Variants in ANK3 observed in about 807,000 individuals in gnomAD.
ANK3 encodes ankyrin 3.
A neutral mutation model predicts 370.9 loss-of-function variants in ANK3; 57 were observed. The observed-to-expected ratio is 0.15, with a 90% CI of 0.12 to 0.19. ANK3 has a LOEUF of 0.19. ANK3 is among the 10% of genes least tolerant of loss of function. The probability of loss-of-function intolerance (pLI) is 1.00; values close to 1 mark genes in which losing one functional copy is unlikely to be tolerated. For missense variants in ANK3, 4,439 were observed against 5,302.1 expected, an observed-to-expected ratio of 0.84 and a Z score of 5.06; for synonymous variants, 1,929 against 1,946.3, an observed-to-expected ratio of 0.99 and a Z score of 0.23.
chr10:60,353,257 T>C lies in ANK3; in HGVS notation c.114+36168A>G, dbSNP rs184056663. Among the ~76,000 whole-genome samples, 8 of 150,618 alleles carry C rather than the reference T, an allele frequency of 5.3e-5. No individual in the cohort carries two copies. The East Asian group carries it at 1.4e-3, about 26-fold the overall frequency. Reference sequence around the variant, plus strand: ...ATCCACCTGCCTCAGCCTCCCAAAATGCTGGGATTACAGGCATGAGCCACG... The same window carrying C: ...ATCCACCTGCCTCAGCCTCCCAAAACGCTGGGATTACAGGCATGAGCCACG... On this transcript the variant is annotated intron_variant, in intron 1 of 43. Coordinates refer to ENST00000280772, the MANE Select transcript of ANK3 (RefSeq NM_020987.5).
At chr10:60,044,459 A>G (rs72818468) in intron 42 of ANK3, 49,929 of 493,958 alleles carry the variant, frequency 0.1, 2,904 homozygotes, top group Non-Finnish European at 0.12. Flanking sequence ...TGTAAATTCT[A>G]CTTGCTACTC....
intron 28 of ANK3, among the ~76,000 whole-genome samples, chr10:60,089,721 T>G (rs956194644): frequency 1.3e-5 from 2 of 152,002 alleles, no homozygotes; most frequent in African/African-American, 4.8e-5. Flanking sequence ...TATAGAAATA[T>G]AAGAATTATA....
In ANK3 at chr10:60,072,270, A is replaced by G. The variant is rs1360619323; in HGVS notation, c.8611T>C (p.Ser2871Pro). 5 of 1,614,134 alleles carry G rather than the reference A, an allele frequency of 3.1e-6. No individual in the cohort carries two copies. In the South Asian group the frequency reaches 5.5e-5, roughly 18 times the overall value. The change falls in exon 37 of 44, where the codon TCG becomes CCG. Residue 2871 changes from serine to proline, a missense_variant. Around this residue, in one of 13 missense-constraint regions of ANK3, gnomAD observed 1,601 missense variants for 1,731.7 expected, o/e 0.92. Coordinates refer to ENST00000280772, the MANE Select transcript of ANK3 (RefSeq NM_020987.5). ...TNNKSQKEKL[S>P]HVLVHDVREN... The stretch of plus-strand genomic sequence containing the variant: ...CTTACATCATGAACAAGTACATGCG[A>G]AAGTTTTTCTTTCTGAGACTTATTG...
upstream of ANK3, among the ~76,000 whole-genome samples, chr10:60,390,729 A>AACACACACACACACAC (rs572520321): frequency 9.3e-6 from 1 of 107,014 alleles, no homozygotes; most frequent in African/African-American, 3.5e-5. Flanking sequence ...TAAAAAAAAG[A>AACACACACACACACAC]ACACACACAC....
intron 2 of ANK3, among the ~76,000 whole-genome samples, chr10:60,425,052 C>T (rs377125986): frequency 6.6e-6 from 1 of 152,100 alleles, no homozygotes; most frequent in African/African-American, 2.4e-5. Flanking sequence ...AAAGGTGACA[C>T]TATGTTCATA....
intron 39 of ANK3, 97 bp from the exon 40 acceptor site, chr10:60,063,351 A>G (rs4568956): frequency 0.69 from 865,372 of 1,259,690 alleles, 298,607 homozygotes; most frequent in East Asian, 0.83. Flanking sequence ...AGCCCTGCTG[A>G]CATTTTAGCT....
At chr10:60,159,460 A>G (rs137883086) in intron 23 of ANK3, among the ~76,000 whole-genome samples, 65 of 152,288 alleles carry the variant, frequency 4.3e-4, no homozygotes, top group African/African-American at 1.4e-3. Context: ...ATAGACCCCA[A>G]TACAATAGGT....
At chr10:60,238,953 A>G (rs998946681) in intron 7 of ANK3, among the ~76,000 whole-genome samples, 7 of 152,172 alleles carry the variant, frequency 4.6e-5, no homozygotes, top group African/African-American at 1.7e-4. Context: ...TGGGATTCTT[A>G]GCAAAGAGTC....
At chr10:60,344,551 C>T (rs10761487) in intron 1 of ANK3, among the ~76,000 whole-genome samples, 105,619 of 151,490 alleles carry the variant, frequency 0.7, 38,064 homozygotes, top group South Asian at 0.91. Context: ...CCCACGCACA[C>T]GGGCCATTAT....
chr10:60,651,797 G>A (rs1281828934), intron 1 of ANK3, among the ~76,000 whole-genome samples: 5 of 152,032 alleles, frequency 3.3e-5, no homozygotes, highest in Admixed American at 6.6e-5. Flanking sequence ...CCAGCATATA[G>A]GAAGCACTAT....
intron 43 of ANK3, among the ~76,000 whole-genome samples, chr10:60,031,355 T>G (rs2073499806): frequency 6.6e-6 from 1 of 152,224 alleles, no homozygotes; most frequent in South Asian, 2.1e-4. Flanking sequence ...AAAGCATCTG[T>G]GTTTTATAAC....
Position 60,268,283 on chromosome 10 carries a change from G to A in ANK3, c.513+1848C>T, listed in dbSNP as rs560790437. Among the ~76,000 whole-genome samples the A allele has an allele frequency of 1.1e-4, 17 of 152,196 alleles. No homozygotes were observed. The South Asian group carries it at 3.1e-3, about 28-fold the overall frequency. ...TAAAAATTCCCCAAAGCACTGATGG[G>A]TATAAAATAAAAAAATATGTATAAA... On this transcript the variant is annotated intron_variant, in intron 5 of 43. Transcript: ENST00000280772.
chr10:60,275,491 GT>G (rs1231967254), intron 4 of ANK3, among the ~76,000 whole-genome samples: 2 of 152,068 alleles, frequency 1.3e-5, no homozygotes, highest in African/African-American at 4.8e-5. Context: ...ATAAAGTGCT[GT>G]TTTTAACTAA....
intron 2 of ANK3, among the ~76,000 whole-genome samples, chr10:60,567,631 T>C (rs1440853472): frequency 2.0e-5 from 3 of 152,200 alleles, no homozygotes; most frequent in Non-Finnish European, 2.9e-5. Context: ...TCTTATTATT[T>C]AAGAAATGCA....
intron 7 of ANK3, among the ~76,000 whole-genome samples, chr10:60,255,640 GATC>G (rs888532173): frequency 3.3e-5 from 5 of 150,802 alleles, no homozygotes; most frequent in Non-Finnish European, 7.4e-5. Context: ...TGCATTTTCA[GATC>G]ATTATGACAT....
chr10:60,589,235 G>T (rs989884101), intron 2 of ANK3, among the ~76,000 whole-genome samples: 1 of 152,084 alleles, frequency 6.6e-6, no homozygotes, highest in Non-Finnish European at 1.5e-5. Flanking sequence ...AAGAAATTAG[G>T]TACCAGTTAA....
chr10:60,549,120 T>A (rs2077035024), intron 2 of ANK3, among the ~76,000 whole-genome samples: 2 of 143,652 alleles, frequency 1.4e-5, no homozygotes, highest in South Asian at 4.7e-4. Context: ...CACAAATGAG[T>A]GAGAGAAGGG....
intron 1 of ANK3, among the ~76,000 whole-genome samples, chr10:60,705,301 T>C (rs1022590143): frequency 6.6e-6 from 1 of 151,378 alleles, no homozygotes; most frequent in Admixed American, 6.7e-5. Context: ...TCTATAACCA[T>C]TGACTTAAAT....
intron 1 of ANK3, among the ~76,000 whole-genome samples, chr10:60,634,711 T>A (rs1437960336): frequency 6.6e-6 from 1 of 152,038 alleles, no homozygotes; most frequent in Non-Finnish European, 1.5e-5. Context: ...ACTCTTTGGG[T>A]CCACGCTACC....
Sources: allele counts gnomAD v4.1 joint callset (sites outside exome capture counted in the v4.1 genomes callset), GRCh38; gene constraint gnomAD v4.1.1; regional missense constraint gnomAD v4.1.1; transcripts MANE v1.5; gene names NCBI Gene and HGNC (gene_info 2026-07-23, HGNC 2026-07-21).